Variants in HINT1 observed in about 807,000 individuals in gnomAD.
The protein encoded by HINT1 is adenosine 5'-monophosphoramidase HINT1.
A neutral mutation model predicts 11.2 loss-of-function variants in HINT1; 12 were observed. That is an observed-to-expected ratio of 1.07 (90% CI 0.69 to 1.74). The LOEUF (loss-of-function observed/expected upper bound fraction) is 1.74. HINT1 is among the 40% of genes most tolerant of loss of function. The pLI is 0.00. For synonymous variants in HINT1, 42 were observed against 52.6 expected, an observed-to-expected ratio of 0.80 and a Z score of 0.87; for missense variants, 150 against 161.8, an observed-to-expected ratio of 0.93 and a Z score of 0.40.
intron 1 of HINT1, among the ~76,000 whole-genome samples, chr5:131,164,647 C>T (rs1256633232): frequency 1.3e-5 from 2 of 152,224 alleles, no homozygotes; most frequent in African/African-American, 4.8e-5. Flanking sequence ...CGGGCCCTGG[C>T]AGGCCGGCTG....
chr5:131,161,463 G>C (rs770491178), intron 2 of HINT1, among the ~76,000 whole-genome samples: 2 of 151,978 alleles, frequency 1.3e-5, no homozygotes, highest in Admixed American at 6.6e-5. Context: ...TAAGCCAGGC[G>C]TGATGGCATG....
chr5:131,164,922 G>A (rs2149654664), intron 1 of HINT1, 173 bp downstream of exon 1: 2 of 840,658 alleles, frequency 2.4e-6, no homozygotes, highest in Non-Finnish European at 3.4e-6. Flanking sequence ...CCGGCAGGCC[G>A]CCTCGGAGTG....
intron 2 of HINT1, among the ~76,000 whole-genome samples, chr5:131,161,430 C>T (rs141179921): frequency 0.019 from 2,861 of 151,640 alleles, 38 homozygotes; most frequent in Non-Finnish European, 0.028. Flanking sequence ...ATGGAGAAAC[C>T]CCATCTCTAC....
At chr5:131,161,989 C>T (rs1043185755) in intron 2 of HINT1, 1 of 161,090 alleles carries the variant, frequency 6.2e-6, no homozygotes, top group Non-Finnish European at 1.4e-5. Context: ...TATATTTTCT[C>T]TTCCTTATGA....
chr5:131,159,672 A>G, intron 2 of HINT1, 61 bp from the exon 3 acceptor site: 6 of 1,463,892 alleles, frequency 4.1e-6, no homozygotes, highest in Non-Finnish European at 5.6e-6. Context: ...CCATTAAATA[A>G]CAAACTGTCA....
chr5:131,164,021 A>C (rs1399054660), intron 1 of HINT1, among the ~76,000 whole-genome samples: 2 of 152,230 alleles, frequency 1.3e-5, no homozygotes, highest in Non-Finnish European at 2.9e-5. Context: ...TCTAAAACCA[A>C]AGAATTTCCC....
chr5:131,159,056 T>C lies in HINT1; in HGVS notation c.*391A>G, dbSNP rs1485282722. ...AAATGTGAGAATTAGCTTAAAAATC[T>C]AAGTTGGACCTATTTTAGCCTGGAA... On this transcript the variant is annotated 3_prime_UTR_variant, in exon 3 of 3. Transcript: ENST00000304043. 6.4e-6 allele frequency: 1 copy of C among 155,732 alleles called. No individual in the cohort carries two copies. The highest frequency in any genetic ancestry group is 1.8e-4 in the East Asian group (1 of 5,452). 9.6% of individuals were successfully genotyped at this position (155,732 alleles called of 1,614,324 possible). A position where few individuals can be genotyped will look rare whatever the true frequency, so the allele number is the denominator to read the frequency against.
intron 1 of HINT1, among the ~76,000 whole-genome samples, chr5:131,164,796 C>T (rs1338920993): frequency 6.6e-6 from 1 of 151,986 alleles, no homozygotes; most frequent in African/African-American, 2.4e-5. Flanking sequence ...GGCTTCCACG[C>T]GGGGGCCCCA....
rs17165688 is a variant in HINT1, at chr5:131,162,535, A to G, written c.216+37T>C. ...GGACAAAATTAATCTCACAATTTAAAAAGCAAGAAAATAAATCATGTTAGA... is the reference window on the plus strand; with the variant it reads ...GGACAAAATTAATCTCACAATTTAAGAAGCAAGAAAATAAATCATGTTAGA... On this transcript the variant is annotated intron_variant, in intron 2 of 2. Coordinates refer to ENST00000304043, the MANE Select transcript of HINT1 (RefSeq NM_005340.7). The G allele has an allele frequency of 0.045, 73,093 of 1,607,454 alleles. 5,705 individuals carry two copies. The highest frequency in any genetic ancestry group is 0.35 in the African/African-American group (26,032 of 74,662).
intron 1 of HINT1, 26 bp from the exon 2 acceptor site, chr5:131,162,702 A>C (rs767015356): frequency 1.0e-5 from 15 of 1,462,030 alleles, no homozygotes; most frequent in South Asian, 4.7e-5. Flanking sequence ...ATAAATAAAT[A>C]AATCAAACTT....
chr5:131,164,997 G>T (rs1755358905), intron 1 of HINT1, 98 bp downstream of exon 1: 3 of 1,546,036 alleles, frequency 1.9e-6, no homozygotes, highest in South Asian at 1.2e-5. Flanking sequence ...TCCCGTCGCC[G>T]CTACACTCGC....
At position 131,163,402 on chromosome 5, in the gene HINT1, T is replaced by G. The variant is rs1173569716; in HGVS notation, c.112-726A>C. On this transcript the variant is annotated intron_variant, in intron 1 of 2. Coordinates refer to ENST00000304043, the MANE Select transcript of HINT1 (RefSeq NM_005340.7). ...TGAGCTCTCTGCCCTCAGAGCTTTTTCAATGATCCTCTCCCCCTCCAAACC... is the reference window on the plus strand; with the variant it reads ...TGAGCTCTCTGCCCTCAGAGCTTTTGCAATGATCCTCTCCCCCTCCAAACC... 2.0e-5 allele frequency among the ~76,000 whole-genome samples: 3 copies of G among 152,262 alleles called. No individual in the cohort carries two copies. The East Asian group carries it at 5.8e-4, about 29-fold the overall frequency.
chr5:131,163,140 A>G (rs943275663), intron 1 of HINT1, among the ~76,000 whole-genome samples: 12 of 152,342 alleles, frequency 7.9e-5, no homozygotes, highest in African/African-American at 2.6e-4. Context: ...CCCGGACTCC[A>G]TGGAAGTCTT....
chr5:131,163,057 G>C (rs1012569356), intron 1 of HINT1, among the ~76,000 whole-genome samples: 1 of 151,830 alleles, frequency 6.6e-6, no homozygotes, highest in African/African-American at 2.4e-5. Flanking sequence ...GGCTGGTCTC[G>C]AACTCCTGAC....
chr5:131,165,080 GT>G lies in HINT1; in HGVS notation c.111+14del. 3.7e-6 allele frequency: 6 copies of G among 1,613,534 alleles called. No individual in the cohort carries two copies. Among genetic ancestry groups the G allele is most frequent in the Non-Finnish European group, 5.1e-6 (6 of 1,179,806 alleles). ...CCCACCTCAGCAGGCGAGAGAGGTG[GT>G]GCCCAGTACCTACCCGGTCATCCTC... On this transcript the variant is annotated intron_variant, in intron 1 of 2. Transcript: ENST00000304043.
At chr5:131,162,394 G>A (rs768862006) in intron 2 of HINT1, 178 bp downstream of exon 2, 61 of 1,238,500 alleles carry the variant, frequency 4.9e-5, no homozygotes, top group Admixed American at 9.9e-5. Context: ...ATTGCTGGTG[G>A]GATACAAAAT....
chr5:131,162,314 G>A (rs893205791), intron 2 of HINT1: 18 of 697,278 alleles, frequency 2.6e-5, no homozygotes, highest in East Asian at 2.2e-4. Context: ...GCAAGACTCT[G>A]TCTCAAAAAA....
At position 131,165,124 on chromosome 5, in the gene HINT1, G is replaced by T. The variant is rs1300880074; in HGVS notation, c.82C>A (p.Pro28Thr). 3 of 1,613,446 alleles carry T rather than the reference G, an allele frequency of 1.9e-6. No homozygotes were observed. Among genetic ancestry groups the T allele is most frequent in the Non-Finnish European group, 2.5e-6 (3 of 1,179,924 alleles). Residue 28 changes from proline to threonine, a missense_variant, in exon 1 of 3, where the codon CCA becomes ACA. Coordinates refer to ENST00000304043, the MANE Select transcript of HINT1 (RefSeq NM_005340.7). ...IFGKIIRKEI[P>T]AKIIFEDDRC... ...TCATCCTCAAAAATGATTTTGGCTG[G>T]TATTTCCTTGCGGATGATCTTCCCA... is the stretch of plus-strand genomic sequence containing the variant.
At chr5:131,162,141 T>A (rs1265231270) in intron 2 of HINT1, 1 of 440,378 alleles carries the variant, frequency 2.3e-6, no homozygotes, top group African/African-American at 2.0e-5. Flanking sequence ...CTGACTAACA[T>A]GGTGAAAGCC....
Sources: gnomAD v4.1 joint callset for allele counts (sites outside exome capture counted in the v4.1 genomes callset) on GRCh38, gnomAD v4.1.1 for gene constraint, MANE v1.5 for transcripts, NCBI Gene and HGNC (gene_info 2026-07-23, HGNC 2026-07-21) for gene names.